The following DEPTOR variants were observed in gnomAD, a reference collection of about 807,000 sequenced individuals.
DEPTOR encodes the protein DEP domain-containing mTOR-interacting protein.
A neutral mutation model predicts 41.6 loss-of-function variants in DEPTOR; 41 were observed. The observed-to-expected ratio is 0.98, with a 90% CI of 0.77 to 1.28. The LOEUF is 1.28. DEPTOR is among the 50% of genes most tolerant of loss of function. The pLI, the probability that DEPTOR is intolerant of heterozygous loss-of-function variation, is 0.00. For synonymous variants in DEPTOR, 195 were observed against 192.3 expected (o/e 1.01, Z -0.12); for missense variants, 514 against 527.9 (o/e 0.97, Z 0.26).
At chr8:119,976,977 G>A (rs1828703232) in intron 4 of DEPTOR, among the ~76,000 whole-genome samples, 1 of 152,140 alleles carries the variant, frequency 6.6e-6, no homozygotes, top group Admixed American at 6.6e-5. Flanking sequence ...CAATGCACTT[G>A]ATACTGTTAT....
At chr8:119,924,690 T>C (rs955044580) in intron 1 of DEPTOR, among the ~76,000 whole-genome samples, 3 of 152,220 alleles carry the variant, frequency 2.0e-5, no homozygotes. Context: ...TCATGATTCC[T>C]TTTGTTTGTT....
At chr8:119,894,440 A>G (rs1171002507) in intron 1 of DEPTOR, among the ~76,000 whole-genome samples, 2 of 134,146 alleles carry the variant, frequency 1.5e-5, no homozygotes, top group African/African-American at 5.2e-5. Context: ...TCTGTTGCCC[A>G]GCCTGGAGTG....
intron 4 of DEPTOR, among the ~76,000 whole-genome samples, chr8:119,981,721 A>G (rs569257202): frequency 3.3e-4 from 50 of 151,732 alleles, no homozygotes; most frequent in African/African-American, 1.2e-3. Context: ...ATTCTCTTAA[A>G]TTCCTAGTCT....
chr8:119,963,737 T>C (rs547621194), intron 3 of DEPTOR, among the ~76,000 whole-genome samples: 4 of 152,262 alleles, frequency 2.6e-5, no homozygotes, highest in East Asian at 1.9e-4. Flanking sequence ...GGAACACTTA[T>C]AGGCCCAGTT....
intron 3 of DEPTOR, among the ~76,000 whole-genome samples, chr8:119,952,635 CT>C (rs1313897164): frequency 1.3e-5 from 2 of 152,186 alleles, no homozygotes; most frequent in Non-Finnish European, 2.9e-5. Context: ...TCCATGTGTT[CT>C]CATTGTTCAG....
intron 8 of DEPTOR, among the ~76,000 whole-genome samples, chr8:120,020,190 C>T (rs966305757): frequency 5.9e-5 from 9 of 152,124 alleles, no homozygotes; most frequent in Admixed American, 1.3e-4. Flanking sequence ...TGGGTTTAAG[C>T]GATCTTCCTT....
intron 4 of DEPTOR, among the ~76,000 whole-genome samples, chr8:119,982,762 A>G (rs1292910014): frequency 2.6e-5 from 4 of 152,184 alleles, no homozygotes; most frequent in African/African-American, 9.7e-5. Context: ...GCAAAGAGTT[A>G]AGAGCAGAGA....
intron 4 of DEPTOR, among the ~76,000 whole-genome samples, chr8:119,976,365 TG>T (rs1439363745): frequency 6.6e-6 from 1 of 152,124 alleles, no homozygotes; most frequent in East Asian, 1.9e-4. Flanking sequence ...CGCATATATA[TG>T]TCGTATCAGC....
chr8:120,041,602 A>G (rs1813070541), intron 8 of DEPTOR, among the ~76,000 whole-genome samples: 3 of 152,148 alleles, frequency 2.0e-5, no homozygotes, highest in African/African-American at 7.2e-5. Flanking sequence ...CAGTGGCGCC[A>G]TCTCAGCTCA....
rs1371644654 is a variant in DEPTOR, at chr8:119,928,490, C to G, written c.213C>G (p.Asp71Glu). 2 of 1,614,176 alleles carry G rather than the reference C, an allele frequency of 1.2e-6. No individual in the cohort carries two copies. Among genetic ancestry groups the G allele is most frequent in the Non-Finnish European group, 1.7e-6 (2 of 1,180,028 alleles). The change falls in exon 2 of 9, where the codon GAC becomes GAG. Residue 71 changes from aspartate to glutamate, a missense_variant. Asp to Glu is a conservative substitution (Grantham distance 45). Coordinates refer to ENST00000286234, the MANE Select transcript of DEPTOR (RefSeq NM_022783.4). ...PNCFVAKELI[D>E]WLIEHKEASD... ...GTTTTGTCGCAAAAGAACTGATTGACTGGCTGATTGAACACAAAGAGGCTT... is the reference window on the plus strand; with the variant it reads ...GTTTTGTCGCAAAAGAACTGATTGAGTGGCTGATTGAACACAAAGAGGCTT...
chr8:120,023,899 C>T (rs1312378996), intron 8 of DEPTOR, among the ~76,000 whole-genome samples: 2 of 151,426 alleles, frequency 1.3e-5, no homozygotes, highest in Admixed American at 6.6e-5. Context: ...ATTCTAGCCA[C>T]CCAGGAGGAA....
chr8:119,984,303 T>C (rs1828803052), intron 4 of DEPTOR, among the ~76,000 whole-genome samples: 1 of 152,208 alleles, frequency 6.6e-6, no homozygotes, highest in African/African-American at 2.4e-5. Context: ...ATTTTTGTTA[T>C]ACTTCAAGTT....
intron 3 of DEPTOR, among the ~76,000 whole-genome samples, chr8:119,955,709 A>C (rs908449885): frequency 6.6e-6 from 1 of 151,872 alleles, no homozygotes; most frequent in African/African-American, 2.4e-5. Flanking sequence ...CAGGTGATCC[A>C]CCCACCTTGG....
intron 4 of DEPTOR, among the ~76,000 whole-genome samples, chr8:119,975,339 T>C (rs896972205): frequency 5.9e-5 from 9 of 152,000 alleles, no homozygotes; most frequent in Non-Finnish European, 1.3e-4. Context: ...CAAGACTATA[T>C]GGCATTAAGA....
At position 119,932,799 on chromosome 8, in the gene DEPTOR, G is replaced by A. The variant is rs546059305; in HGVS notation, c.425+2861G>A. ...GTGGGGTACTTTAAATAGGGGCATCGGGGAAGACGTTTTTGAAGAGACAAC... is the reference window on the plus strand; with the variant it reads ...GTGGGGTACTTTAAATAGGGGCATCAGGGAAGACGTTTTTGAAGAGACAAC... On this transcript the variant is annotated intron_variant, in intron 3 of 8. Transcript: ENST00000286234. Among the ~76,000 whole-genome samples the A allele has an allele frequency of 1.3e-3, 200 of 152,208 alleles. 1 individual carries two copies. Among genetic ancestry groups the A allele is most frequent in the Middle Eastern group, 3.4e-3 (1 of 294 alleles).
Position 119,916,672 on chromosome 8 carries a change from G to A in DEPTOR, c.123-11728G>A, listed in dbSNP as rs189844285. ...GCCCATTGCTTATATACAGGTGGTGGAGGTTCAGTACATGCAAAATCACAT... is the reference window on the plus strand; with the variant it reads ...GCCCATTGCTTATATACAGGTGGTGAAGGTTCAGTACATGCAAAATCACAT... On this transcript the variant is annotated intron_variant, in intron 1 of 8. Coordinates refer to ENST00000286234, the MANE Select transcript of DEPTOR (RefSeq NM_022783.4). Among the ~76,000 whole-genome samples the A allele has an allele frequency of 2.6e-3, 394 of 152,276 alleles. 2 individuals are homozygous for A. Among genetic ancestry groups the A allele is most frequent in the African/African-American group, 9.1e-3 (380 of 41,550 alleles).
chr8:119,884,699 A>C (rs1460548953), intron 1 of DEPTOR, among the ~76,000 whole-genome samples: 1 of 151,676 alleles, frequency 6.6e-6, no homozygotes, highest in Non-Finnish European at 1.5e-5. Flanking sequence ...ACATATAATG[A>C]GTGTAGTAAA....
chr8:119,904,338 C>T (rs1216036664), intron 1 of DEPTOR, among the ~76,000 whole-genome samples: 5 of 151,922 alleles, frequency 3.3e-5, no homozygotes, highest in African/African-American at 1.2e-4. Flanking sequence ...AGGCTGGCCT[C>T]CAACTCCTGA....
intron 6 of DEPTOR, among the ~76,000 whole-genome samples, chr8:120,005,655 G>A (rs1473006643): frequency 6.6e-6 from 1 of 152,176 alleles, no homozygotes; most frequent in Non-Finnish European, 1.5e-5. Flanking sequence ...CACAATGTCT[G>A]CAGAGCTGGA....
Sources: gnomAD v4.1 joint callset for allele counts (sites outside exome capture counted in the v4.1 genomes callset) on GRCh38, gnomAD v4.1.1 for gene constraint, MANE v1.5 for transcripts, NCBI Gene and HGNC (gene_info 2026-07-23, HGNC 2026-07-21) for gene names.